The following SVIL variants were observed in gnomAD, a reference collection of about 807,000 sequenced individuals.
SVIL encodes archvillin.
Under a neutral mutation model 240.4 loss-of-function variants are expected in SVIL, and 101 were observed. The ratio of observed to expected loss-of-function variants is 0.42; its 90% CI spans 0.36 to 0.50. The LOEUF (loss-of-function observed/expected upper bound fraction) is 0.50, where lower values mean the gene tolerates loss of function less well. Among genes scored for constraint, SVIL ranks in the 20% least tolerant of loss-of-function variants. The pLI, the probability that SVIL is intolerant of heterozygous loss-of-function variation, is 0.01. For synonymous variants in SVIL, 999 were observed against 1,100.0 expected, an observed-to-expected ratio of 0.91 and a Z score of 1.82; for missense variants, 2,512 against 2,818.7, an observed-to-expected ratio of 0.89 and a Z score of 2.46.
chr10:29,512,791 T>C lies in SVIL; in HGVS notation c.3460A>G (p.Lys1154Glu). 6.2e-7 allele frequency: 1 copy of C among 1,613,558 alleles called. No homozygotes were observed. Among genetic ancestry groups the C allele is most frequent in the Non-Finnish European group, 8.5e-7 (1 of 1,180,032 alleles). ...NRLSRRQEGGKAPASSLHTQE... is the reference protein window; with the variant it reads ...NRLSRRQEGGEAPASSLHTQE... ...GTGTGCAGGCTGCTGGCCGGCGCCTTGCCGCCCTCCTGCCTCCTGCTGAGT... is the reference window on the plus strand; with the variant it reads ...GTGTGCAGGCTGCTGGCCGGCGCCTCGCCGCCCTCCTGCCTCCTGCTGAGT... The change falls in exon 17 of 38, where the codon AAG becomes GAG. Residue 1154 changes from lysine (K) to glutamate (E), a missense_variant. Around this residue, in one of 3 missense-constraint regions of SVIL, gnomAD observed 1,443 missense variants for 1,486.6 expected, o/e 0.97. Coordinates refer to ENST00000355867, the MANE Select transcript of SVIL (RefSeq NM_021738.3).
intron 1 of SVIL, among the ~76,000 whole-genome samples, chr10:29,596,413 C>T (rs2132820906): frequency 6.6e-6 from 1 of 152,262 alleles, no homozygotes; most frequent in South Asian, 2.1e-4. Flanking sequence ...TTCAAGGCTG[C>T]AGTGAGCTGT....
intron 1 of SVIL, among the ~76,000 whole-genome samples, chr10:29,595,393 G>A (rs1328591812): frequency 6.6e-6 from 1 of 152,204 alleles, no homozygotes; most frequent in Non-Finnish European, 1.5e-5. Context: ...GGTATGGATG[G>A]CAGGTGAGGA....
At position 29,532,041 on chromosome 10, in the gene SVIL, G is replaced by T. The variant is rs779121448; in HGVS notation, c.1970C>A (p.Thr657Asn). 5 of 1,614,042 alleles carry T rather than the reference G, an allele frequency of 3.1e-6. No homozygotes were observed. Among genetic ancestry groups the T allele is most frequent in the Non-Finnish European group, 3.4e-6 (4 of 1,180,018 alleles). The part of the protein sequence containing the change: ...ESRKTSERFR[T>N]QPITSAERKE... ...TCGTTCTGCTGAAGTTATAGGTTGGGTTCTAAATCTCTCGGAAGTTTTTCT... is the reference window on the plus strand; with the variant it reads ...TCGTTCTGCTGAAGTTATAGGTTGGTTTCTAAATCTCTCGGAAGTTTTTCT... Residue 657 changes from threonine (T) to asparagine (N), a missense_variant, in exon 9 of 38, where the codon ACC (threonine) becomes AAC (asparagine). Thr to Asn is a moderately conservative substitution (Grantham distance 65). Transcript: ENST00000355867.
rs892952974 is a variant in SVIL at position 29,551,257 on chromosome 10, G to A, written c.167C>T (p.Ser56Leu). The A allele has an allele frequency of 1.9e-6, 3 of 1,591,812 alleles. No homozygotes were observed. In the South Asian group the frequency reaches 3.4e-5, roughly 18 times the overall value. ...ATCAGAAGTTTCCTCCTCTTCATTT[G>A]ATCGGCCTACAAGAAGGTCACATGG... Reference protein sequence around the residue: ...SDPASPHIGRSNEEEETSDSS... With the variant: ...SDPASPHIGRLNEEEETSDSS... The change falls in exon 6 of 38, where the codon TCA becomes TTA. Residue 56 changes from serine (S) to leucine (L), a missense_variant. Ser to Leu is a moderately radical substitution (Grantham distance 145). This residue lies in a region of SVIL where 1,443 missense variants were observed against 1,486.6 expected (regional missense o/e 0.97). Coordinates refer to ENST00000355867, the MANE Select transcript of SVIL (RefSeq NM_021738.3).
At chr10:29,695,913 C>T (rs1961927707) in intron 1 of SVIL, among the ~76,000 whole-genome samples, 1 of 86,038 alleles carries the variant, frequency 1.2e-5, no homozygotes, top group Non-Finnish European at 2.3e-5. Flanking sequence ...TCTCCCTCTC[C>T]CTCTCCCGTC....
intron 1 of SVIL, among the ~76,000 whole-genome samples, chr10:29,730,587 T>C (rs886637803): frequency 3.3e-5 from 5 of 152,194 alleles, no homozygotes; most frequent in African/African-American, 1.2e-4. Flanking sequence ...ACATCTGTTA[T>C]TACTGCACAA....
At chr10:29,711,643 C>G (rs957848487) in intron 1 of SVIL, among the ~76,000 whole-genome samples, 6 of 151,834 alleles carry the variant, frequency 4.0e-5, no homozygotes, top group Non-Finnish European at 7.4e-5. Flanking sequence ...CCCTGTAATC[C>G]CAACTACTCA....
chr10:29,694,406 A>C (rs923360231), intron 1 of SVIL, among the ~76,000 whole-genome samples: 1 of 152,072 alleles, frequency 6.6e-6, no homozygotes, highest in African/African-American at 2.4e-5. Context: ...TCTCTTAAAA[A>C]AATAAATTGA....
At chr10:29,558,391 A>G (rs960490298) in intron 3 of SVIL, among the ~76,000 whole-genome samples, 2 of 152,220 alleles carry the variant, frequency 1.3e-5, no homozygotes, top group African/African-American at 4.8e-5. Context: ...GAATTTTAAA[A>G]GGAAAATAAA....
chr10:29,582,695 A>G (rs950288896), intron 1 of SVIL, among the ~76,000 whole-genome samples: 7 of 151,532 alleles, frequency 4.6e-5, no homozygotes, highest in African/African-American at 1.7e-4. Flanking sequence ...TCATGCTACT[A>G]CACTCCAGCC....
chr10:29,670,497 C>A (rs1017093519), intron 2 of SVIL, among the ~76,000 whole-genome samples: 1 of 152,200 alleles, frequency 6.6e-6, no homozygotes, highest in African/African-American at 2.4e-5. Flanking sequence ...AAGGCTTAGT[C>A]TGATGGGAAA....
intron 1 of SVIL, among the ~76,000 whole-genome samples, chr10:29,594,552 T>C (rs1956508711): frequency 8.7e-6 from 1 of 114,598 alleles, no homozygotes. Context: ...CCTTCTTAAT[T>C]TTTTTTCTTT....
At chr10:29,666,979 T>A (rs1959352190) in intron 2 of SVIL, among the ~76,000 whole-genome samples, 1 of 152,038 alleles carries the variant, frequency 6.6e-6, no homozygotes, top group African/African-American at 2.4e-5. Flanking sequence ...ATACAGGGTG[T>A]TAGTGCTTGA....
chr10:29,512,118 C>T (rs941342102), intron 17 of SVIL, among the ~76,000 whole-genome samples: 3 of 152,224 alleles, frequency 2.0e-5, no homozygotes, highest in African/African-American at 7.2e-5. Flanking sequence ...TGGTCAAAAG[C>T]TGGTCATCAT....
At chr10:29,707,248 A>T (rs1168169479) in intron 1 of SVIL, among the ~76,000 whole-genome samples, 1 of 152,150 alleles carries the variant, frequency 6.6e-6, no homozygotes, top group African/African-American at 2.4e-5. Flanking sequence ...CATTTTCACG[A>T]TATTGATTCT....
In SVIL at chr10:29,533,289, TAG is replaced by T. The variant is rs1454196680; in HGVS notation, c.1076_1077del (p.Ser359TyrfsTer31). On this transcript the variant is annotated frameshift_variant, in exon 8 of 38. Coordinates refer to ENST00000355867, the MANE Select transcript of SVIL (RefSeq NM_021738.3). LOFTEE classifies it high-confidence loss of function. ...ACATAGCCACGGATTGGCTGTCGTG[TAG>T]AGCCTGCTGCCTTGCTGGGGACCCT... ...FDRVPSKAAG[S>X]TRQPIRGYVQ... The T allele has an allele frequency of 6.2e-7, 1 of 1,614,110 alleles. No homozygotes were observed. Among genetic ancestry groups the T allele is most frequent in the African/African-American group, 1.3e-5 (1 of 75,026 alleles).
At chr10:29,497,446 G>A (rs1214668159) in intron 18 of SVIL, among the ~76,000 whole-genome samples, 3 of 152,158 alleles carry the variant, frequency 2.0e-5, no homozygotes, top group Non-Finnish European at 4.4e-5. Flanking sequence ...ATGAAATAAA[G>A]CCCCAAACAC....
chr10:29,663,977 C>T (rs1959187518), intron 2 of SVIL, among the ~76,000 whole-genome samples: 1 of 152,180 alleles, frequency 6.6e-6, no homozygotes, highest in South Asian at 2.1e-4. Context: ...CCAGAAACTC[C>T]ACTACCCCTC....
chr10:29,632,910 T>G, intron 1 of SVIL, among the ~76,000 whole-genome samples: 1 of 152,138 alleles, frequency 6.6e-6, no homozygotes, highest in East Asian at 1.9e-4. Flanking sequence ...TCTCTGACAC[T>G]AGTGCACACT....
Sources: allele counts gnomAD v4.1 joint callset (sites outside exome capture counted in the v4.1 genomes callset), GRCh38; gene constraint gnomAD v4.1.1; regional missense constraint gnomAD v4.1.1; transcripts MANE v1.5; gene names NCBI Gene and HGNC (gene_info 2026-07-23, HGNC 2026-07-21).